The following CCDC171 variants were observed in gnomAD, a reference collection of about 807,000 sequenced individuals.
CCDC171 encodes coiled-coil domain-containing protein 171.
CCDC171 carries 177 observed loss-of-function variants against 168.2 expected under a neutral mutation model. The ratio of observed to expected loss-of-function variants is 1.05; its 90% confidence interval spans 0.93 to 1.19. The LOEUF (loss-of-function observed/expected upper bound fraction) is 1.19. Ranked by LOEUF, CCDC171 falls within the 50% of genes most tolerant of loss-of-function variation. The probability of loss-of-function intolerance (pLI) is 0.00; values close to 1 mark genes in which losing one functional copy is unlikely to be tolerated. For missense variants in CCDC171, 1,991 were observed against 1,539.0 expected, an observed-to-expected ratio of 1.29 and a Z score of -4.91; for synonymous variants, 687 against 540.8, an observed-to-expected ratio of 1.27 and a Z score of -3.75.
chr9:15,862,666 C>G lies in CCDC171; in HGVS notation c.3469-11866C>G, dbSNP rs143237343. Among the ~76,000 whole-genome samples, 152 of 151,466 alleles carry G rather than the reference C, an allele frequency of 1.0e-3. 2 individuals are homozygous for G. The highest frequency in any genetic ancestry group is 3.4e-3 in the African/African-American group (139 of 41,418). Reference sequence around the variant, plus strand: ...AGAACCTACCATCTCTCTCAGACTTCAAGGATTGGCTTTGTACCAGAGAAG... The same window carrying G: ...AGAACCTACCATCTCTCTCAGACTTGAAGGATTGGCTTTGTACCAGAGAAG... On this transcript the variant is annotated intron_variant, in intron 23 of 25. Coordinates refer to ENST00000380701, the MANE Select transcript of CCDC171 (RefSeq NM_173550.4).
chr9:15,907,755 G>C (rs948660962), intron 24 of CCDC171, among the ~76,000 whole-genome samples: 6 of 152,166 alleles, frequency 3.9e-5, no homozygotes, highest in Admixed American at 6.5e-5. Context: ...TCGCAATCTA[G>C]TCATCTGACA....
At chr9:15,622,020 T>C (rs1029063009) in intron 6 of CCDC171, among the ~76,000 whole-genome samples, 1 of 152,162 alleles carries the variant, frequency 6.6e-6, no homozygotes, top group East Asian at 1.9e-4. Context: ...TTTAGCAAAC[T>C]AACACAGGAA....
At chr9:15,873,782 A>G (rs1817492820) in intron 23 of CCDC171, among the ~76,000 whole-genome samples, 1 of 152,116 alleles carries the variant, frequency 6.6e-6, no homozygotes, top group African/African-American at 2.4e-5. Context: ...GTGTGATATC[A>G]ACTGCATGTG....
At chr9:15,569,277 G>C (rs2821542) in intron 2 of CCDC171, among the ~76,000 whole-genome samples, 8,774 of 152,154 alleles carry the variant, frequency 0.058, 319 homozygotes, top group African/African-American at 0.099. Flanking sequence ...TGGAGCCAGG[G>C]TTTCAGGGTT....
chr9:15,771,839 TG>T (rs1564377020), intron 18 of CCDC171, among the ~76,000 whole-genome samples: 1 of 152,050 alleles, frequency 6.6e-6, no homozygotes, highest in Non-Finnish European at 1.5e-5. Flanking sequence ...GTAGCTTTTT[TG>T]GGGGGACGGG....
chr9:15,864,171 G>C (rs2061673160), intron 23 of CCDC171, among the ~76,000 whole-genome samples: 1 of 151,786 alleles, frequency 6.6e-6, no homozygotes, highest in Non-Finnish European at 1.5e-5. Flanking sequence ...CAGTTTATTT[G>C]CTAGTTTTAT....
intron 4 of CCDC171, among the ~76,000 whole-genome samples, chr9:16,021,013 G>GC (rs1210891788): frequency 6.6e-6 from 1 of 152,188 alleles, no homozygotes; most frequent in Non-Finnish European, 1.5e-5. Flanking sequence ...AAAGACAAAC[G>GC]CAAGTATTGC....
intron 25 of CCDC171, among the ~76,000 whole-genome samples, chr9:15,927,180 G>C (rs921225807): frequency 6.6e-6 from 1 of 151,598 alleles, no homozygotes; most frequent in Non-Finnish European, 1.5e-5. Context: ...TAATGCTGGA[G>C]TTCATGTAAG....
chr9:16,019,265 T>C (rs1833102823), intron 3 of CCDC171, among the ~76,000 whole-genome samples: 1 of 152,196 alleles, frequency 6.6e-6, no homozygotes, highest in Non-Finnish European at 1.5e-5. Context: ...CAGATGCTGC[T>C]GAGAAGCCAA....
At chr9:15,664,922 C>A (rs2048620646) in intron 8 of CCDC171, among the ~76,000 whole-genome samples, 2 of 152,044 alleles carry the variant, frequency 1.3e-5, no homozygotes, top group Admixed American at 1.3e-4. Context: ...TAGTCTCGAA[C>A]TCCTGACCTC....
downstream of CCDC171, among the ~76,000 whole-genome samples, chr9:16,065,376 G>A (rs1047020100): frequency 2.6e-5 from 4 of 152,066 alleles, no homozygotes; most frequent in Admixed American, 1.3e-4. Flanking sequence ...CCAGCACCTC[G>A]GGGCTAATGG....
chr9:16,068,304 A>C, the CCDC171 span, among the ~76,000 whole-genome samples: 1 of 151,928 alleles, frequency 6.6e-6, no homozygotes, highest in Non-Finnish European at 1.5e-5. Flanking sequence ...AAGGAAATAA[A>C]AGAGGATACA....
Position 16,048,166 on chromosome 9 carries a change from G to T in CCDC171, n.89+5280G>T, listed in dbSNP as rs11794657. 9.2e-5 allele frequency among the ~76,000 whole-genome samples: 14 copies of T among 152,294 alleles called. No homozygotes were observed. The South Asian group carries it at 2.1e-3, about 23-fold the overall frequency. On this transcript the variant is annotated intron_variant and non_coding_transcript_variant, in intron 1 of 1. Coordinates refer to the CCDC171 transcript ENST00000478913. ...TGAGCTGCGTCCTCTGTAAGAATTCGCTACTCAGTCCCTTGAGCTTCCTTT... is the reference window on the plus strand; with the variant it reads ...TGAGCTGCGTCCTCTGTAAGAATTCTCTACTCAGTCCCTTGAGCTTCCTTT...
At chr9:15,752,184 C>T (rs1011154205) in intron 18 of CCDC171, among the ~76,000 whole-genome samples, 2 of 152,070 alleles carry the variant, frequency 1.3e-5, no homozygotes, top group East Asian at 1.9e-4. Flanking sequence ...CAGAGAAATG[C>T]GAATCAAAAC....
chr9:15,847,227 A>T (rs2060936694), intron 22 of CCDC171, among the ~76,000 whole-genome samples: 1 of 152,064 alleles, frequency 6.6e-6, no homozygotes, highest in South Asian at 2.1e-4. Flanking sequence ...TGTTCTGCAT[A>T]TATTATTATA....
chr9:16,073,362 A>G, the CCDC171 span, among the ~76,000 whole-genome samples: 6 of 152,224 alleles, frequency 3.9e-5, no homozygotes, highest in Non-Finnish European at 8.8e-5. Context: ...CAGGAAGGCT[A>G]TTATGTTTTT....
chr9:15,935,002 G>A (rs113987795), intron 25 of CCDC171, among the ~76,000 whole-genome samples: 6 of 152,072 alleles, frequency 3.9e-5, no homozygotes, highest in Non-Finnish European at 8.8e-5. Flanking sequence ...CAGAGGCTAG[G>A]GGGAGGAGAG....
chr9:16,049,089 C>G (rs571102846), intron 1 of CCDC171, among the ~76,000 whole-genome samples: 6 of 152,190 alleles, frequency 3.9e-5, no homozygotes, highest in African/African-American at 1.4e-4. Flanking sequence ...AATCGCAATC[C>G]CAACAGATTA....
intron 9 of CCDC171, among the ~76,000 whole-genome samples, chr9:15,672,361 C>G (rs1199755948): frequency 2.6e-5 from 4 of 152,144 alleles, no homozygotes; most frequent in Non-Finnish European, 5.9e-5. Flanking sequence ...TTAATTCAAT[C>G]CCATTTTGTC....
Sources: gnomAD v4.1 joint callset for allele counts (sites outside exome capture counted in the v4.1 genomes callset) on GRCh38, gnomAD v4.1.1 for gene constraint, MANE v1.5 for transcripts, NCBI Gene and HGNC (gene_info 2026-07-23, HGNC 2026-07-21) for gene names.